Variants in PSMD7 observed in about 807,000 individuals in gnomAD.
PSMD7 encodes 26S proteasome non-ATPase regulatory subunit 7.
In PSMD7, 13 loss-of-function variants were observed where a neutral mutation model predicts 36.4. That is an observed-to-expected ratio of 0.36 (90% CI 0.23 to 0.57). PSMD7 has a LOEUF of 0.57. PSMD7 is among the 20% of genes least tolerant of loss of function. The probability of loss-of-function intolerance (pLI) is 0.83; values close to 1 mark genes in which losing one functional copy is unlikely to be tolerated. For synonymous variants in PSMD7, 186 were observed against 151.0 expected (o/e 1.23, Z -1.70); for missense variants, 298 against 393.6 (o/e 0.76, Z 2.06).
intron 1 of PSMD7, 28 bp from the exon 2 acceptor site, chr16:74,300,087 C>T: frequency 6.3e-7 from 1 of 1,596,222 alleles, no homozygotes; most frequent in Non-Finnish European, 8.6e-7. Context: ...CGAGCCTATC[C>T]ACACTGACCA....
chr16:74,301,489 C>A (rs2034154675), intron 3 of PSMD7, 66 bp from the exon 4 acceptor site: 1 of 1,219,212 alleles, frequency 8.2e-7, no homozygotes, highest in Non-Finnish European at 1.2e-6. Flanking sequence ...TGTTCTTATC[C>A]TTTTTGAGGG....
chr16:74,299,018 C>G (rs528031895), intron 1 of PSMD7, among the ~76,000 whole-genome samples: 4 of 150,962 alleles, frequency 2.6e-5, no homozygotes, highest in Admixed American at 2.0e-4. Context: ...CTTACCCCCC[C>G]ACCCCCAAAA....
intron 2 of PSMD7, 141 bp from the exon 3 acceptor site, chr16:74,300,911 A>C (rs988476898): frequency 2.1e-6 from 1 of 470,910 alleles, no homozygotes; most frequent in Non-Finnish European, 3.8e-6. Context: ...TTTTTGGGGC[A>C]GCTCAAAAAA....
At position 74,305,831 on chromosome 16, in the gene PSMD7, A is replaced by G; in HGVS notation, c.*98A>G. Reference sequence around the variant, plus strand: ...TTCTTTTTCACTTGACATGCTTATTAGAAAGCTGACCCAACAAGAGCTCTC... The same window carrying G: ...TTCTTTTTCACTTGACATGCTTATTGGAAAGCTGACCCAACAAGAGCTCTC... On this transcript the variant is annotated 3_prime_UTR_variant, in exon 7 of 7. Coordinates refer to ENST00000219313, the MANE Select transcript of PSMD7 (RefSeq NM_002811.5). The G allele has an allele frequency of 7.5e-7, 1 of 1,335,726 alleles. No individual in the cohort carries two copies. The highest frequency in any genetic ancestry group is 9.6e-7 in the Non-Finnish European group (1 of 1,037,228). 82.7% of individuals were successfully genotyped at this position (1,335,726 alleles called of 1,614,324 possible).
chr16:74,305,579 ACCT>A lies in PSMD7; in HGVS notation c.823_825del (p.Leu275del). On this transcript the variant is annotated inframe_deletion, in exon 7 of 7. Coordinates refer to ENST00000219313, the MANE Select transcript of PSMD7 (RefSeq NM_002811.5). ...ATCCGTTCCGTGGTCGCCCTGCACA[ACCT>A]CATCAACAACAAGATTGCCAACCGG... 6.2e-7 allele frequency: 1 copy of A among 1,606,194 alleles called. No individual in the cohort carries two copies.
intron 6 of PSMD7, 134 bp from the exon 7 acceptor site, chr16:74,305,155 G>A: frequency 8.9e-7 from 1 of 1,121,536 alleles, no homozygotes; most frequent in African/African-American, 1.6e-5. Context: ...TTATCAAATG[G>A]GGAAGTGACA....
At chr16:74,299,412 G>A (rs756722868) in intron 1 of PSMD7, among the ~76,000 whole-genome samples, 4 of 152,108 alleles carry the variant, frequency 2.6e-5, no homozygotes, top group Non-Finnish European at 5.9e-5. Context: ...AGGGTCTGCC[G>A]AGGCTGGGGT....
At position 74,296,881 on chromosome 16, in the gene PSMD7, AG is replaced by A. The variant is rs1567524283; in HGVS notation, c.-31del. The stretch of plus-strand genomic sequence containing the variant: ...ACTGCTGCCGGTGTTTGCGTGTGGC[AG>A]GGAGCCAGGCCTGGCGAGCGGGGTG... On this transcript the variant is annotated 5_prime_UTR_variant, in exon 1 of 7. Coordinates refer to ENST00000219313, the MANE Select transcript of PSMD7 (RefSeq NM_002811.5). The A allele has an allele frequency of 6.2e-7, 1 of 1,609,858 alleles. No individual in the cohort carries two copies. Among genetic ancestry groups the A allele is most frequent in the South Asian group, 1.1e-5 (1 of 90,326 alleles).
At chr16:74,300,756 G>A (rs2034149366) in intron 2 of PSMD7, among the ~76,000 whole-genome samples, 1 of 152,146 alleles carries the variant, frequency 6.6e-6, no homozygotes. Flanking sequence ...AAAAATATCA[G>A]GAAGTAACTG....
chr16:74,300,491 T>C, intron 2 of PSMD7: 2 of 429,986 alleles, frequency 4.7e-6, no homozygotes, highest in Non-Finnish European at 8.5e-6. Context: ...CCAGCAAACC[T>C]CTATAAAAAC....
Position 74,305,916 on chromosome 16 carries a change from C to T in PSMD7, c.*183C>T. The T allele has an allele frequency of 3.6e-6, 2 of 550,380 alleles. No homozygotes were observed. The highest frequency in any genetic ancestry group is 5.5e-6 in the Non-Finnish European group (2 of 362,412). The allele number at this position is 550,380 out of a possible 1,614,324, so 34.1% of individuals were successfully genotyped here. A position where few individuals can be genotyped will look rare whatever the true frequency, so the allele number is the denominator to read the frequency against. ...AAGTGAATGGAGACTGATCTCAAAT[C>T]TGAACTGCAGCTTTCGCTGCTGTGA... On this transcript the variant is annotated 3_prime_UTR_variant, in exon 7 of 7. Coordinates refer to ENST00000219313, the MANE Select transcript of PSMD7 (RefSeq NM_002811.5).
In PSMD7 at chr16:74,300,193, G is replaced by C. The variant is rs765196405; in HGVS notation, c.153G>C (p.Ser51=). The change falls in exon 2 of 7, where the codon TCG becomes TCC. Residue 51 remains serine, a synonymous_variant. Coordinates refer to ENST00000219313, the MANE Select transcript of PSMD7 (RefSeq NM_002811.5). Reference sequence around the variant, plus strand: ...GGCAAAAGAAAGTACTTGATGTATCGAACAGTTTTGCAGGTAAAAGACAAA... The same window carrying C: ...GGCAAAAGAAAGTACTTGATGTATCCAACAGTTTTGCAGGTAAAAGACAAA... The part of the protein sequence containing the change: ...GSWQKKVLDV[S]NSFAVPFDED... 6.2e-6 allele frequency: 10 copies of C among 1,613,778 alleles called. No individual in the cohort carries two copies. Among genetic ancestry groups the C allele is most frequent in the South Asian group, 3.3e-5 (3 of 91,080 alleles).
intron 5 of PSMD7, 39 bp from the exon 6 acceptor site, chr16:74,304,264 G>C (rs1314718666): frequency 1.9e-6 from 3 of 1,579,478 alleles, no homozygotes; most frequent in Admixed American, 1.7e-5. Context: ...CAGTTCGTTT[G>C]TGGAAAATAA....
intron 5 of PSMD7, among the ~76,000 whole-genome samples, 190 bp downstream of exon 5, chr16:74,302,482 G>C (rs1314802990): frequency 6.6e-6 from 1 of 152,090 alleles, no homozygotes; most frequent in East Asian, 1.9e-4. Context: ...ATTCCAACCA[G>C]GCACAGTGGC....
intron 1 of PSMD7, chr16:74,299,724 T>G (rs1178491433): frequency 3.1e-6 from 1 of 324,056 alleles, no homozygotes; most frequent in African/African-American, 2.2e-5. Flanking sequence ...AAAAAAGATT[T>G]CAGGATGGGA....
At chr16:74,302,076 T>G in intron 4 of PSMD7, 136 bp from the exon 5 acceptor site, 1 of 721,410 alleles carries the variant, frequency 1.4e-6, no homozygotes, top group Non-Finnish European at 2.4e-6. Flanking sequence ...GAAGCATAAA[T>G]GCATTTTTGC....
intron 1 of PSMD7, 116 bp downstream of exon 1, chr16:74,297,104 C>T (rs903741554): frequency 7.1e-6 from 8 of 1,123,736 alleles, no homozygotes; most frequent in Non-Finnish European, 1.0e-5. Context: ...CGGCTGGTGA[C>T]CCTTACTTGT....
At chr16:74,297,445 AC>A (rs1448529421) in intron 1 of PSMD7, among the ~76,000 whole-genome samples, 4 of 149,156 alleles carry the variant, frequency 2.7e-5, no homozygotes, top group Non-Finnish European at 4.5e-5. Context: ...CTGACCCCCG[AC>A]CCCAGGGTCG....
chr16:74,305,712 G>A lies in PSMD7; in HGVS notation c.954G>A (p.Glu318=). ...AGGAAAAGAGTGATGTAAAGAAAGAGGAGAAAAAGGAGAAAAAGTAAAACA... is the reference window on the plus strand; with the variant it reads ...AGGAAAAGAGTGATGTAAAGAAAGAAGAGAAAAAGGAGAAAAAGTAAAACA... The part of the protein sequence containing the change: ...KDKEKSDVKK[E]EKKEKK The change falls in exon 7 of 7, where the codon GAG becomes GAA. Residue 318 remains glutamate, a synonymous_variant. Transcript: ENST00000219313. The A allele has an allele frequency of 7.1e-7, 1 of 1,411,482 alleles. No homozygotes were observed. The highest frequency in any genetic ancestry group is 1.7e-5 in the South Asian group (1 of 58,582). The allele number at this position is 1,411,482 out of a possible 1,614,324, so 87.4% of individuals were successfully genotyped here.
Sources: gnomAD v4.1 joint callset for allele counts (sites outside exome capture counted in the v4.1 genomes callset) on GRCh38, gnomAD v4.1.1 for gene constraint, MANE v1.5 for transcripts, NCBI Gene and HGNC (gene_info 2026-07-23, HGNC 2026-07-21) for gene names.